Variants in RGS12 observed in about 807,000 individuals in gnomAD.
RGS12 encodes the protein regulator of G protein signaling 12, also known as regulator of G-protein signaling 12.
A neutral mutation model predicts 120.1 loss-of-function variants in RGS12; 66 were observed. The ratio of observed to expected loss-of-function variants is 0.55; its 90% CI spans 0.45 to 0.67. The LOEUF (loss-of-function observed/expected upper bound fraction) is 0.67, where lower values mean the gene tolerates loss of function less well. Among genes scored for constraint, RGS12 ranks in the 30% least tolerant of loss-of-function variants. RGS12 has a pLI of 0.00. For synonymous variants in RGS12, 827 were observed against 804.7 expected (o/e 1.03, Z -0.47); for missense variants, 1,859 against 1,957.7 (o/e 0.95, Z 0.95).
chr4:3,438,872 C>T (rs896350222), intron 17 of RGS12, among the ~76,000 whole-genome samples: 1 of 151,924 alleles, frequency 6.6e-6, no homozygotes, highest in East Asian at 1.9e-4. Flanking sequence ...GGAGGGGACA[C>T]GACCGGGAGG....
Position 3,436,620 on chromosome 4 carries a change from C to T in RGS12, c.4115-2835C>T, listed in dbSNP as rs1232807989. Among the ~76,000 whole-genome samples the T allele has an allele frequency of 3.3e-5, 5 of 152,318 alleles. No individual in the cohort carries two copies. The East Asian group carries it at 7.7e-4, about 24-fold the overall frequency. ...CAGCCCCTGCTCCCGCTGTGCCTGCCAGGGTTCCTGACTCAGCTTTGAGGA... is the reference window on the plus strand; with the variant it reads ...CAGCCCCTGCTCCCGCTGTGCCTGCTAGGGTTCCTGACTCAGCTTTGAGGA... On this transcript the variant is annotated intron_variant, in intron 17 of 17. Transcript: ENST00000336727.
intron 1 of RGS12, among the ~76,000 whole-genome samples, chr4:3,303,587 G>T (rs186324519): frequency 1.2e-4 from 19 of 152,332 alleles, no homozygotes; most frequent in East Asian, 1.2e-3. Flanking sequence ...ACTTGAGCTT[G>T]CCCTGGTAGT....
chr4:3,381,949 G>T (rs1192858550), intron 3 of RGS12, among the ~76,000 whole-genome samples: 3 of 152,138 alleles, frequency 2.0e-5, no homozygotes, highest in Non-Finnish European at 4.4e-5. Flanking sequence ...GTAAACTGGG[G>T]TCCAGCCACC....
At chr4:3,438,877 G>C (rs567850272) in intron 17 of RGS12, among the ~76,000 whole-genome samples, 1 of 152,122 alleles carries the variant, frequency 6.6e-6, no homozygotes, top group African/African-American at 2.4e-5. Context: ...GGACACGACC[G>C]GGAGGCCCAG....
chr4:3,348,160 G>A (rs1714000215), intron 3 of RGS12, among the ~76,000 whole-genome samples: 1 of 152,122 alleles, frequency 6.6e-6, no homozygotes, highest in Non-Finnish European at 1.5e-5. Context: ...CATCAAAGAT[G>A]CCAAAAGATT....
intron 3 of RGS12, among the ~76,000 whole-genome samples, chr4:3,353,342 G>C (rs1329147832): frequency 1.3e-5 from 2 of 152,124 alleles, no homozygotes; most frequent in African/African-American, 2.4e-5. Context: ...TGCGTCCTGG[G>C]GGGATGTTAC....
chr4:3,369,931 T>TA (rs1005226696), intron 3 of RGS12: 246 of 904,270 alleles, frequency 2.7e-4, no homozygotes, highest in East Asian at 3.5e-4. Context: ...ACCACGATGC[T>TA]AAAAAAAACA....
At position 3,428,641 on chromosome 4, in the gene RGS12, A is replaced by C. The variant is rs761689013; in HGVS notation, c.3495A>C (p.Ser1165=). ...AAAATGCTAGGGATCCCCGGCTTTCAAAGAGAGAAGAATCTATTGCAAAGA... is the reference window on the plus strand; with the variant it reads ...AAAATGCTAGGGATCCCCGGCTTTCCAAGAGAGAAGAATCTATTGCAAAGA... ...NGKNARDPRL[S]KREESIAKIG... is the part of the protein sequence containing the mutation. The change falls in exon 16 of 18, where the codon TCA becomes TCC. Residue 1165 remains serine, a synonymous_variant. Transcript: ENST00000336727. 2.5e-6 allele frequency: 4 copies of C among 1,606,790 alleles called. No homozygotes were observed. In the Admixed American group the frequency reaches 5.1e-5, roughly 21 times the overall value.
chr4:3,290,483 C>T (rs13144046), upstream of RGS12, among the ~76,000 whole-genome samples: 13 of 152,182 alleles, frequency 8.5e-5, no homozygotes, highest in East Asian at 1.9e-4. Context: ...TCCTTTGTGA[C>T]GAGCTTATTT....
rs184101344 is a variant in RGS12 at position 3,433,717 on chromosome 4, C to A, written c.4114+2762C>A. On this transcript the variant is annotated intron_variant, in intron 17 of 17. Transcript: ENST00000336727. This position sits in a 1 kb window ranked among gnomAD's most constrained non-coding sequence, Gnocchi z 4.4. ...CCCTTCTAGCCTCAGCGTCATGCAC[C>A]GCACCGCCCCATGCTTCTAGCCCCA... Among the ~76,000 whole-genome samples, 1 of 152,184 alleles carries A rather than the reference C, an allele frequency of 6.6e-6. No homozygotes were observed. Among genetic ancestry groups the A allele is most frequent in the East Asian group, 1.9e-4 (1 of 5,172 alleles).
At chr4:3,293,529 T>A (rs911550626) in intron 1 of RGS12, among the ~76,000 whole-genome samples, 6 of 151,996 alleles carry the variant, frequency 3.9e-5, no homozygotes, top group Non-Finnish European at 1.5e-5. Flanking sequence ...GCCGCTTTGT[T>A]AGGGCAGAAG....
rs373546196 is a variant in RGS12 at position 3,309,431 on chromosome 4, A to G, written c.-101-6639A>G. On this transcript the variant is annotated intron_variant, in intron 1 of 17. Coordinates refer to ENST00000336727, the MANE Select transcript of RGS12 (RefSeq NM_001394154.1). ...AGGTGTCCGCTGAGGGGAACCGTGCAGGGGAGGAGCTGGGACCCAGGAATG... is the reference window on the plus strand; with the variant it reads ...AGGTGTCCGCTGAGGGGAACCGTGCGGGGGAGGAGCTGGGACCCAGGAATG... Among the ~76,000 whole-genome samples the G allele has an allele frequency of 1.5e-3, 130 of 89,042 alleles. No homozygotes were observed. The East Asian group carries it at 0.015, about 10-fold the overall frequency. 58.4% of individuals were successfully genotyped at this position (89,042 alleles called of 152,430 possible). A position where few individuals can be genotyped will look rare whatever the true frequency, so the allele number is the denominator to read the frequency against.
rs1451569959 is a variant in RGS12 at position 3,390,900 on chromosome 4, T to G, written c.2020+4463T>G. 6.6e-6 allele frequency among the ~76,000 whole-genome samples: 1 copy of G among 152,226 alleles called. No homozygotes were observed. The highest frequency in any genetic ancestry group is 1.5e-5 in the Non-Finnish European group (1 of 68,026). On this transcript the variant is annotated intron_variant, in intron 4 of 17. Coordinates refer to ENST00000336727, the MANE Select transcript of RGS12 (RefSeq NM_001394154.1). This position sits in a 1 kb window ranked among gnomAD's most constrained non-coding sequence, Gnocchi z 4.6. The stretch of plus-strand genomic sequence containing the variant: ...AAATATAAAGTATAATTGTTGATAT[T>G]TTTGGCAAATGCCAAAATTTGTATT...
In RGS12 at chr4:3,321,787, G is replaced by A. The variant is rs531600418; in HGVS notation, c.1881+3736G>A. The stretch of plus-strand genomic sequence containing the variant: ...GGCCTGGGCAGGGGCCCCTGCTGAC[G>A]GTGTCCTTGGCTTAGGCACTCGCCC... On this transcript the variant is annotated intron_variant, in intron 2 of 17. Transcript: ENST00000336727. Among the ~76,000 whole-genome samples, 102 of 152,326 alleles carry A rather than the reference G, an allele frequency of 6.7e-4. 3 individuals carry two copies. In the South Asian group the frequency reaches 0.021, roughly 31 times the overall value.
At chr4:3,435,564 CCCCG>C (rs1724726572) in intron 17 of RGS12, among the ~76,000 whole-genome samples, 9 of 149,944 alleles carry the variant, frequency 6.0e-5, no homozygotes, top group Admixed American at 5.3e-4. Context: ...CTCTCCAGAG[CCCCG>C]TCTCCCCAGA....
chr4:3,389,532 G>A lies in RGS12; in HGVS notation c.2020+3095G>A, dbSNP rs1485310981. 1.3e-5 allele frequency among the ~76,000 whole-genome samples: 2 copies of A among 152,190 alleles called. No individual in the cohort carries two copies. Among genetic ancestry groups the A allele is most frequent in the East Asian group, 3.8e-4 (2 of 5,198 alleles). ...ACCTCTCCTGGTCTGGCTCTGCACA[G>A]AGCTGGAGCCGCGGCCGCACAGAAG... On this transcript the variant is annotated intron_variant, in intron 4 of 17. Coordinates refer to ENST00000336727, the MANE Select transcript of RGS12 (RefSeq NM_001394154.1). The surrounding 1 kb of genome is among the most constrained non-coding windows in gnomAD (Gnocchi z 5.2).
rs1209470162 is a variant in RGS12, at chr4:3,317,591, G to A, written c.1421G>A (p.Gly474Glu). The stretch of plus-strand genomic sequence containing the variant: ...CAGCCCTGGGGTGCTCCCTGGACTG[G>A]GCCCTTCTGTCCGGACCCCGAAGGG... ...GAQPWGAPWTGPFCPDPEGSP... is the reference protein window; with the variant it reads ...GAQPWGAPWTEPFCPDPEGSP... The change falls in exon 2 of 18, where the codon GGG becomes GAG. Residue 474 changes from glycine to glutamate, a missense_variant. By Grantham distance (98) the Gly-to-Glu change is moderately conservative (BLOSUM62 -2). Coordinates refer to ENST00000336727, the MANE Select transcript of RGS12 (RefSeq NM_001394154.1). 1 of 1,596,096 alleles carries A rather than the reference G, an allele frequency of 6.3e-7. No individual in the cohort carries two copies. Among genetic ancestry groups the A allele is most frequent in the African/African-American group, 1.3e-5 (1 of 74,678 alleles).
At chr4:3,387,255 G>A (rs1025379583) in intron 4 of RGS12, among the ~76,000 whole-genome samples, 37 of 152,346 alleles carry the variant, frequency 2.4e-4, no homozygotes, top group Non-Finnish European at 4.1e-4. Context: ...CCCAGGGGCC[G>A]GTGGGTTTGA....
At chr4:3,387,356 C>T (rs946870065) in intron 4 of RGS12, among the ~76,000 whole-genome samples, 19 of 152,186 alleles carry the variant, frequency 1.2e-4, no homozygotes, top group African/African-American at 2.9e-4. Context: ...TCCTCGGCCT[C>T]GGAAAGGGCT....
Sources: allele counts gnomAD v4.1 joint callset (sites outside exome capture counted in the v4.1 genomes callset), GRCh38; gene constraint gnomAD v4.1.1; non-coding constraint Gnocchi (gnomAD v3.1); transcripts MANE v1.5; gene names NCBI Gene and HGNC (gene_info 2026-07-23, HGNC 2026-07-21).